DEPTOR: variants seen among roughly 807,000 people sequenced by gnomAD.
DEPTOR encodes DEP domain containing MTOR interacting protein.
In DEPTOR, 41 loss-of-function variants were observed where a neutral mutation model predicts 41.6. The ratio of observed to expected loss-of-function variants is 0.98; its 90% CI spans 0.77 to 1.28. The LOEUF is 1.28. Ranked by LOEUF, DEPTOR falls within the 50% of genes most tolerant of loss-of-function variation. The pLI is 0.00. For synonymous variants in DEPTOR, 195 were observed against 192.3 expected, an observed-to-expected ratio of 1.01 and a Z score of -0.12; for missense variants, 514 against 527.9, an observed-to-expected ratio of 0.97 and a Z score of 0.26.
intron 1 of DEPTOR, among the ~76,000 whole-genome samples, chr8:119,896,498 TTTTTGTTTTG>T (rs59477615): frequency 0.05 from 7,545 of 150,838 alleles, 296 homozygotes; most frequent in South Asian, 0.17. Context: ...TTTCTTTGTG[TTTTTGTTTTG>T]TTTTGTTTTG....
intron 1 of DEPTOR, among the ~76,000 whole-genome samples, chr8:119,898,603 G>T (rs1016823210): frequency 6.6e-6 from 1 of 151,884 alleles, no homozygotes; most frequent in Non-Finnish European, 1.5e-5. Flanking sequence ...ATGTGCCTGT[G>T]GTCCCAGCTG....
chr8:119,876,165 C>A (rs1827228495), intron 1 of DEPTOR, among the ~76,000 whole-genome samples: 1 of 152,214 alleles, frequency 6.6e-6, no homozygotes, highest in Admixed American at 6.5e-5. Flanking sequence ...GTCCCCAGAG[C>A]ACTTGTTATT....
At chr8:119,901,459 G>A (rs1286285367) in intron 1 of DEPTOR, among the ~76,000 whole-genome samples, 3 of 151,910 alleles carry the variant, frequency 2.0e-5, no homozygotes, top group Admixed American at 6.6e-5. Flanking sequence ...GGCGGATCAC[G>A]AGATCAGGAG....
chr8:119,892,459 A>G (rs1039905855), intron 1 of DEPTOR, among the ~76,000 whole-genome samples: 1 of 152,228 alleles, frequency 6.6e-6, no homozygotes, highest in African/African-American at 2.4e-5. Context: ...AATGAATCCA[A>G]ATAAAAGTGG....
intron 8 of DEPTOR, among the ~76,000 whole-genome samples, chr8:120,020,516 C>G (rs1014654489): frequency 1.3e-5 from 2 of 152,204 alleles, no homozygotes; most frequent in Non-Finnish European, 2.9e-5. Context: ...GCTGGGACCA[C>G]AGGCATGAGC....
At chr8:119,953,390 C>G (rs990736109) in intron 3 of DEPTOR, among the ~76,000 whole-genome samples, 1 of 152,084 alleles carries the variant, frequency 6.6e-6, no homozygotes, top group Non-Finnish European at 1.5e-5. Flanking sequence ...TGAGAACAGC[C>G]TGGCCAACAT....
intron 1 of DEPTOR, among the ~76,000 whole-genome samples, chr8:119,918,783 A>G (rs1029569276): frequency 3.3e-5 from 5 of 151,804 alleles, no homozygotes; most frequent in African/African-American, 1.2e-4. Context: ...TAGTAGTGAC[A>G]AGGTTTCTCC....
chr8:119,880,584 CT>C (rs934714363), intron 1 of DEPTOR, among the ~76,000 whole-genome samples: 1 of 152,148 alleles, frequency 6.6e-6, no homozygotes, highest in African/African-American at 2.4e-5. Flanking sequence ...AGTGTGACAA[CT>C]TTGGTAAATA....
intron 8 of DEPTOR, 54 bp downstream of exon 8, chr8:120,009,187 T>C: frequency 6.7e-7 from 1 of 1,497,578 alleles, no homozygotes; most frequent in Non-Finnish European, 9.2e-7. Context: ...TTCTTCATGC[T>C]AAATTGGCCA....
intron 8 of DEPTOR, among the ~76,000 whole-genome samples, chr8:120,045,469 G>C (rs1519808): frequency 0.45 from 68,788 of 151,722 alleles, 16,469 homozygotes; most frequent in African/African-American, 0.6. Flanking sequence ...CGCCTGGGTT[G>C]AAGCGATACT....
chr8:119,906,017 ACTCGGGCTCAAGCAGGCCTC>A (rs1297442668), intron 1 of DEPTOR, among the ~76,000 whole-genome samples: 1 of 152,028 alleles, frequency 6.6e-6, no homozygotes, highest in East Asian at 1.9e-4. Flanking sequence ...CTGGTCTCGA[ACTCGGGCTCAAGCAGGCCTC>A]CTGCCTCAGC....
At chr8:120,011,251 T>C (rs901206432) in intron 8 of DEPTOR, among the ~76,000 whole-genome samples, 1 of 152,166 alleles carries the variant, frequency 6.6e-6, no homozygotes, top group Non-Finnish European at 1.5e-5. Context: ...TTCCACCTTT[T>C]GATTTGAACA....
chr8:119,925,448 C>A (rs987889559), intron 1 of DEPTOR, among the ~76,000 whole-genome samples: 6 of 151,800 alleles, frequency 4.0e-5, no homozygotes, highest in East Asian at 1.9e-4. Flanking sequence ...ACAAAAAAAA[C>A]CCATCAGATC....
At chr8:119,975,571 T>A (rs115122245) in intron 4 of DEPTOR, among the ~76,000 whole-genome samples, 2,291 of 152,196 alleles carry the variant, frequency 0.015, 66 homozygotes, top group African/African-American at 0.053. Flanking sequence ...GGCCAAGGAC[T>A]TAGAAATCAA....
At chr8:119,936,209 G>A (rs1828111058) in intron 3 of DEPTOR, among the ~76,000 whole-genome samples, 1 of 152,082 alleles carries the variant, frequency 6.6e-6, no homozygotes, top group African/African-American at 2.4e-5. Context: ...AAATAAAAGG[G>A]AGAGAGTACA....
At chr8:119,902,502 G>C (rs1325890178) in intron 1 of DEPTOR, among the ~76,000 whole-genome samples, 1 of 152,102 alleles carries the variant, frequency 6.6e-6, no homozygotes, top group Non-Finnish European at 1.5e-5. Context: ...ACCACACCTG[G>C]CTAATTTTGT....
intron 4 of DEPTOR, among the ~76,000 whole-genome samples, chr8:119,993,280 A>G (rs1426965847): frequency 2.0e-5 from 3 of 152,160 alleles, no homozygotes; most frequent in Non-Finnish European, 4.4e-5. Context: ...TAGTGAATTG[A>G]GTGCTTCTAA....
chr8:119,997,889 T>G (rs1208248793), intron 4 of DEPTOR, among the ~76,000 whole-genome samples: 4 of 152,222 alleles, frequency 2.6e-5, no homozygotes, highest in African/African-American at 9.6e-5. Flanking sequence ...TTAATATGAT[T>G]CTTAATGGGT....
At chr8:120,049,549 T>A in intron 8 of DEPTOR, 27 bp from the exon 9 acceptor site, 1 of 1,610,318 alleles carries the variant, frequency 6.2e-7, no homozygotes, top group African/African-American at 1.3e-5. Flanking sequence ...CTATAATAGA[T>A]GCTCTTTCTT....
Sources: allele counts gnomAD v4.1 joint callset (sites outside exome capture counted in the v4.1 genomes callset), GRCh38; gene constraint gnomAD v4.1.1; transcripts MANE v1.5; gene names NCBI Gene and HGNC (gene_info 2026-07-23, HGNC 2026-07-21).